The following PTGER3 variants were observed in gnomAD, a reference collection of about 807,000 sequenced individuals.
The protein encoded by PTGER3 is prostaglandin E2 receptor EP3 subtype.
Under a neutral mutation model 34.7 loss-of-function variants are expected in PTGER3, and 22 were observed. The ratio of observed to expected loss-of-function variants is 0.63; its 90% CI spans 0.45 to 0.91. The LOEUF is 0.91. PTGER3 is among the 40% of genes least tolerant of loss of function. The pLI is 0.00. For synonymous variants in PTGER3, 241 were observed against 230.1 expected (o/e 1.05, Z -0.43); for missense variants, 468 against 519.4 (o/e 0.90, Z 0.96).
At chr1:70,911,848 T>A (rs1034942589) in intron 4 of PTGER3, among the ~76,000 whole-genome samples, 1 of 152,198 alleles carries the variant, frequency 6.6e-6, no homozygotes, top group African/African-American at 2.4e-5. Flanking sequence ...ATAATCATTT[T>A]TCACTTTCAG....
rs375925691 is a variant in PTGER3, at chr1:70,945,231, G to A, written c.*23+8532C>T. Among the ~76,000 whole-genome samples, 5 of 152,236 alleles carry A rather than the reference G, an allele frequency of 3.3e-5. No individual in the cohort carries two copies. In the East Asian group the frequency reaches 5.8e-4, roughly 18 times the overall value. ...AACATGGCCTCTTCAAACTTGGAGA[G>A]ACTAGTAACAGTGAGACAAAAGCTG... is the stretch of plus-strand genomic sequence containing the variant. On this transcript the variant is annotated intron_variant, in intron 4 of 4. Transcript: ENST00000370931.
chr1:70,896,559 G>A (rs1451587104), intron 4 of PTGER3, among the ~76,000 whole-genome samples: 1 of 152,124 alleles, frequency 6.6e-6, no homozygotes, highest in Non-Finnish European at 1.5e-5. Flanking sequence ...TTTCCATTCA[G>A]CCTCCCAGCT....
intron 1 of PTGER3, among the ~76,000 whole-genome samples, chr1:71,039,515 T>G (rs1335144839): frequency 6.7e-6 from 1 of 150,350 alleles, no homozygotes; most frequent in African/African-American, 2.4e-5. Context: ...CCGGGTGTGG[T>G]GGTGGGCGCC....
chr1:70,902,300 C>T (rs1557642529), intron 4 of PTGER3, among the ~76,000 whole-genome samples: 1 of 152,162 alleles, frequency 6.6e-6, no homozygotes, highest in Non-Finnish European at 1.5e-5. Context: ...ACCAGGTAAA[C>T]CTGAGGGAGG....
At chr1:70,951,340 CT>C (rs760601983), downstream of PTGER3, 4 of 152,192 alleles carry the variant, frequency 2.6e-5, no homozygotes, top group Non-Finnish European at 4.4e-5. Context: ...CACTTGTTTG[CT>C]GATTACAAAC....
At position 71,047,469 on chromosome 1, in the gene PTGER3, G is replaced by C. The variant is rs1660960390; in HGVS notation, c.109C>G (p.Leu37Val). 1.9e-6 allele frequency: 3 copies of C among 1,609,374 alleles called. No homozygotes were observed. The highest frequency in any genetic ancestry group is 1.3e-5 in the African/African-American group (1 of 75,054). The stretch of plus-strand genomic sequence containing the variant: ...TCGCCAGACCCTGGAGGGCGCGTGA[G>C]GTTGCCCCGCGCCTCGGCGGAACGC... ...PERSAEARGN[L>V]TRPPGSGEDC... is the part of the protein sequence containing the mutation. Residue 37 changes from leucine to valine, a missense_variant, in exon 1 of 4, where the codon CTC (leucine) becomes GTC (valine). Transcript: ENST00000306666.
intron 2 of PTGER3, among the ~76,000 whole-genome samples, chr1:71,000,989 G>A (rs1192649352): frequency 6.6e-6 from 1 of 152,066 alleles, no homozygotes; most frequent in Non-Finnish European, 1.5e-5. Context: ...GATTGAGTGT[G>A]AGATAACAAT....
intron 4 of PTGER3, among the ~76,000 whole-genome samples, chr1:70,924,094 C>T (rs1440555027): frequency 2.6e-5 from 4 of 151,776 alleles, no homozygotes; most frequent in Non-Finnish European, 5.9e-5. Context: ...ATCTTGGGAC[C>T]TCAAAAAGAG....
At chr1:71,025,990 C>T (rs1409931785) in intron 1 of PTGER3, among the ~76,000 whole-genome samples, 2 of 152,030 alleles carry the variant, frequency 1.3e-5, no homozygotes, top group East Asian at 3.9e-4. Context: ...GTGATTACTC[C>T]CCCCTTGCTT....
chr1:71,039,460 C>G (rs1227436602), intron 1 of PTGER3, among the ~76,000 whole-genome samples: 1 of 151,718 alleles, frequency 6.6e-6, no homozygotes, highest in Non-Finnish European at 1.5e-5. Context: ...ACCATACTGG[C>G]TAATGCAGTG....
intron 4 of PTGER3, among the ~76,000 whole-genome samples, chr1:70,940,499 C>G (rs1258515713): frequency 1.3e-5 from 2 of 152,090 alleles, no homozygotes; most frequent in Admixed American, 6.6e-5. Context: ...ATACCCGAGA[C>G]TGGGAAGAAA....
chr1:70,883,006 C>A (rs1040257945), intron 4 of PTGER3, among the ~76,000 whole-genome samples: 6 of 152,192 alleles, frequency 3.9e-5, no homozygotes, highest in Non-Finnish European at 8.8e-5. Flanking sequence ...TTTGAGCTGA[C>A]ATTATTGAGG....
intron 2 of PTGER3, among the ~76,000 whole-genome samples, chr1:70,954,123 T>G (rs978352333): frequency 6.6e-6 from 1 of 152,072 alleles, no homozygotes; most frequent in African/African-American, 2.4e-5. Flanking sequence ...GGAAAGTATA[T>G]AGAAATCACT....
At chr1:70,892,586 A>T (rs1194745220) in intron 4 of PTGER3, among the ~76,000 whole-genome samples, 2 of 152,140 alleles carry the variant, frequency 1.3e-5, no homozygotes, top group African/African-American at 4.8e-5. Flanking sequence ...CACACCTGTA[A>T]TCCCAGCACT....
chr1:70,919,699 G>A (rs1003889245), intron 4 of PTGER3, among the ~76,000 whole-genome samples: 4 of 152,058 alleles, frequency 2.6e-5, no homozygotes, highest in Non-Finnish European at 5.9e-5. Flanking sequence ...CTACAACTGG[G>A]GGATAAAAGA....
intron 1 of PTGER3, among the ~76,000 whole-genome samples, chr1:71,037,531 ATG>A (rs1400182833): frequency 1.3e-5 from 2 of 152,212 alleles, no homozygotes; most frequent in Non-Finnish European, 2.9e-5. Flanking sequence ...GGATAAAAGA[ATG>A]TGTGATCTAT....
intron 1 of PTGER3, among the ~76,000 whole-genome samples, chr1:71,042,123 T>C (rs1183459160): frequency 6.6e-6 from 1 of 152,082 alleles, no homozygotes; most frequent in Non-Finnish European, 1.5e-5. Flanking sequence ...AGATGATGGC[T>C]TAAGAAGTGT....
Position 70,971,616 on chromosome 1 carries a change from A to G in PTGER3, c.*114T>C. On this transcript the variant is annotated 3_prime_UTR_variant, in exon 4 of 4. Transcript: ENST00000306666. ...AAAACAATCATTAAAATAAAAAGATAAAAATGAAGAAATAATCCAAATTAA... is the reference window on the plus strand; with the variant it reads ...AAAACAATCATTAAAATAAAAAGATGAAAATGAAGAAATAATCCAAATTAA... 7.2e-7 allele frequency: 1 copy of G among 1,394,496 alleles called. No individual in the cohort carries two copies. The highest frequency in any genetic ancestry group is 9.4e-7 in the Non-Finnish European group (1 of 1,067,640). The allele number at this position is 1,394,496 out of a possible 1,614,324, so 86.4% of individuals were successfully genotyped here. A position where few individuals can be genotyped will look rare whatever the true frequency, so the allele number is the denominator to read the frequency against.
Position 70,953,051 on chromosome 1 carries a change from G to T in PTGER3, c.1113C>A (p.Cys371Ter). Residue 371 changes from cysteine to a stop codon, truncating the protein, a stop_gained, in exon 4 of 4, where the codon TGC (cysteine) becomes TGA (stop). Coordinates refer to the PTGER3 transcript ENST00000356595. LOFTEE classifies it low-confidence loss of function (END_TRUNC). ...TCTGTATCTGAGAGTTCTGCAAACTGCAGATTAACTAACCACAGATCAAAA... is the reference window on the plus strand; with the variant it reads ...TCTGTATCTGAGAGTTCTGCAAACTTCAGATTAACTAACCACAGATCAAAA... The T allele has an allele frequency of 6.3e-7, 1 of 1,591,840 alleles. No homozygotes were observed.
Sources: gnomAD v4.1 joint callset for allele counts (sites outside exome capture counted in the v4.1 genomes callset) on GRCh38, gnomAD v4.1.1 for gene constraint, MANE v1.5 for transcripts, NCBI Gene and HGNC (gene_info 2026-07-23, HGNC 2026-07-21) for gene names.